The following VTI1A variants were observed in gnomAD, a reference collection of about 807,000 sequenced individuals.
VTI1A encodes vesicle transport through interaction with t-SNAREs 1A.
A neutral mutation model predicts 34.9 loss-of-function variants in VTI1A; 22 were observed. That is an observed-to-expected ratio of 0.63 (90% CI 0.45 to 0.90). VTI1A has a LOEUF of 0.90. VTI1A is among the 40% of genes least tolerant of loss of function. The pLI is 0.00. For synonymous variants in VTI1A, 87 were observed against 97.3 expected, an observed-to-expected ratio of 0.89 and a Z score of 0.62; for missense variants, 268 against 275.6, an observed-to-expected ratio of 0.97 and a Z score of 0.20.
At chr10:112,777,700 C>G (rs1456402525) in intron 7 of VTI1A, among the ~76,000 whole-genome samples, 2 of 152,212 alleles carry the variant, frequency 1.3e-5, no homozygotes, top group Non-Finnish European at 2.9e-5. Context: ...GCCTCCGTTT[C>G]CCGGACATTG....
At chr10:112,807,961 T>C (rs1853146127) in intron 7 of VTI1A, among the ~76,000 whole-genome samples, 1 of 152,188 alleles carries the variant, frequency 6.6e-6, no homozygotes, top group Non-Finnish European at 1.5e-5. Context: ...CTCATGACTG[T>C]AATCCCAGCA....
chr10:112,637,059 T>A (rs1007875222), intron 5 of VTI1A, among the ~76,000 whole-genome samples: 3 of 152,372 alleles, frequency 2.0e-5, no homozygotes, highest in Admixed American at 1.3e-4. Context: ...ATATTTAACT[T>A]AAATAATGAC....
the VTI1A span, among the ~76,000 whole-genome samples, chr10:112,848,532 A>G: frequency 6.6e-6 from 1 of 152,232 alleles, no homozygotes; most frequent in African/African-American, 2.4e-5. Flanking sequence ...GAGAAACAAC[A>G]GAAGTGATCA....
intron 7 of VTI1A, among the ~76,000 whole-genome samples, chr10:112,792,345 G>A (rs775085031): frequency 1.2e-4 from 18 of 152,206 alleles, no homozygotes; most frequent in Non-Finnish European, 1.9e-4. Context: ...CAGTCCTTAC[G>A]TGTCCCAACG....
At chr10:112,753,529 T>G (rs1416932979) in intron 7 of VTI1A, among the ~76,000 whole-genome samples, 1 of 152,198 alleles carries the variant, frequency 6.6e-6, no homozygotes, top group Non-Finnish European at 1.5e-5. Flanking sequence ...TATTATCTGA[T>G]AGTGGATAGC....
chr10:112,466,086 G>A (rs548004959), intron 3 of VTI1A, among the ~76,000 whole-genome samples: 1 of 152,264 alleles, frequency 6.6e-6, no homozygotes, highest in Non-Finnish European at 1.5e-5. Flanking sequence ...TTACCTATGA[G>A]CAACAGAAGT....
intron 5 of VTI1A, among the ~76,000 whole-genome samples, chr10:112,545,921 G>GTGTATATA (rs1851066347): frequency 6.6e-6 from 1 of 151,600 alleles, no homozygotes. Context: ...GTGTGTGTGT[G>GTGTATATA]CATGTGTTTG....
At chr10:112,739,094 A>G (rs1850598451) in intron 7 of VTI1A, among the ~76,000 whole-genome samples, 1 of 152,160 alleles carries the variant, frequency 6.6e-6, no homozygotes, top group Non-Finnish European at 1.5e-5. Context: ...TCCCTGTCTC[A>G]CGATGCTTGC....
downstream of VTI1A, among the ~76,000 whole-genome samples, chr10:112,821,257 C>T (rs1403467585): frequency 3.3e-5 from 5 of 152,132 alleles, no homozygotes; most frequent in African/African-American, 7.2e-5. Context: ...GCTGCAAACC[C>T]GGCTCCGCCG....
chr10:112,593,932 C>T lies in VTI1A; in HGVS notation c.427+55602C>T, dbSNP rs576136122. Among the ~76,000 whole-genome samples, 192 of 149,052 alleles carry T rather than the reference C, an allele frequency of 1.3e-3. 1 individual carries two copies. Among genetic ancestry groups the T allele is most frequent in the Middle Eastern group, 7.0e-3 (2 of 284 alleles). On this transcript the variant is annotated intron_variant, in intron 5 of 7. Transcript: ENST00000393077. ...TTTTTTTATTATTATTATTTTGAGA[C>T]GGAGTCTCGCTCTGTCACCCAGGCT...
the VTI1A span, chr10:112,832,075 A>G: frequency 1.3e-5 from 2 of 152,168 alleles, no homozygotes; most frequent in South Asian, 2.1e-4. Flanking sequence ...CTGGTCTTCA[A>G]TGATTTTCTT....
chr10:112,756,660 A>G (rs577795448), intron 7 of VTI1A, among the ~76,000 whole-genome samples: 6 of 152,284 alleles, frequency 3.9e-5, no homozygotes, highest in South Asian at 2.1e-4. Flanking sequence ...AATCTAGAAT[A>G]TGTCATTAAA....
intron 3 of VTI1A, 98 bp downstream of exon 3, chr10:112,464,755 TG>T (rs1232878419): frequency 1.2e-5 from 12 of 1,010,588 alleles, no homozygotes; most frequent in Non-Finnish European, 1.8e-5. Context: ...TTTGGGCTCA[TG>T]TAGAAGACAA....
chr10:112,675,074 GTCC>G (rs1366264409), intron 7 of VTI1A, among the ~76,000 whole-genome samples: 1 of 152,122 alleles, frequency 6.6e-6, no homozygotes, highest in African/African-American at 2.4e-5. Context: ...TCATATGTCA[GTCC>G]TCCCACTGTC....
intron 3 of VTI1A, among the ~76,000 whole-genome samples, chr10:112,518,474 A>G (rs1319515326): frequency 6.6e-6 from 1 of 151,274 alleles, no homozygotes; most frequent in Non-Finnish European, 1.5e-5. Context: ...TTTGGGAGGC[A>G]GAGATAGGAG....
chr10:112,642,716 C>T (rs977139180), intron 5 of VTI1A, among the ~76,000 whole-genome samples: 1 of 152,018 alleles, frequency 6.6e-6, no homozygotes, highest in Non-Finnish European at 1.5e-5. Flanking sequence ...AAGTTTGTTA[C>T]AGTCTAATGG....
chr10:112,780,273 A>AAAATAAATAAATAAATAAATAAAT, intron 7 of VTI1A, among the ~76,000 whole-genome samples: 1 of 138,276 alleles, frequency 7.2e-6, no homozygotes, highest in African/African-American at 2.7e-5. Context: ...CCTGTCTCTA[A>AAAATAAATAAATAAATAAATAAAT]AAATAAATAA....
At chr10:112,761,973 G>T (rs1273144924) in intron 7 of VTI1A, among the ~76,000 whole-genome samples, 2 of 152,052 alleles carry the variant, frequency 1.3e-5, no homozygotes, top group Non-Finnish European at 2.9e-5. Flanking sequence ...AGCAGTCCTG[G>T]ACAGCATTAT....
intron 1 of VTI1A, among the ~76,000 whole-genome samples, chr10:112,460,269 C>G (rs1420566576): frequency 2.0e-5 from 3 of 152,094 alleles, no homozygotes. Context: ...AATTTTTAGT[C>G]TCTCTTAAAA....
Sources: allele counts gnomAD v4.1 joint callset (sites outside exome capture counted in the v4.1 genomes callset), GRCh38; gene constraint gnomAD v4.1.1; transcripts MANE v1.5; gene names NCBI Gene and HGNC (gene_info 2026-07-23, HGNC 2026-07-21).